Variants in LAS1L observed in about 807,000 individuals in gnomAD.
LAS1L encodes ribosomal biogenesis protein LAS1L.
LAS1L carries 5 observed loss-of-function variants against 57.3 expected under a neutral mutation model. The observed-to-expected ratio is 0.09, with a 90% CI of 0.05 to 0.18. LAS1L has a LOEUF of 0.18. Among genes scored for constraint, LAS1L ranks in the 10% least tolerant of loss-of-function variants. The pLI is 1.00. For missense variants in LAS1L, 360 were observed against 568.3 expected (o/e 0.63, Z 3.73); for synonymous variants, 245 against 231.7 (o/e 1.06, Z -0.52).
chrX:65,528,398 G>T (rs933944309), intron 6 of LAS1L, 29 bp from the exon 7 acceptor site: 1 of 975,706 alleles, frequency 1.0e-6, no homozygotes, highest in Non-Finnish European at 1.4e-6. Context: ...CCATCAGAAG[G>T]CTGGTTCAGC....
intron 13 of LAS1L, 76 bp downstream of exon 13, chrX:65,514,747 A>C (rs1477103274): frequency 9.8e-7 from 1 of 1,017,124 alleles, no homozygotes; most frequent in African/African-American, 2.0e-5. Flanking sequence ...TCCCCCACCC[A>C]CCTCACCTTG....
In LAS1L at chrX:65,534,682, C is replaced by A; in HGVS notation, c.34G>T (p.Gly12Cys). The A allele has an allele frequency of 1.7e-6, 2 of 1,181,608 alleles. No individual in the cohort carries two copies. Among genetic ancestry groups the A allele is most frequent in the Non-Finnish European group, 2.3e-6 (2 of 880,386 alleles). The part of the protein sequence containing the change: ...SWESGAGPGL[G>C]SQGMDLVWSA... ...CACACGAGATCCATCCCCTGGGAAC[C>A]TAGACCTGGCCCGGCCCCGGATTCC... Residue 12 changes from glycine (G) to cysteine (C), a missense_variant, in exon 1 of 14, where the codon GGT (glycine) becomes TGT (cysteine). Physicochemically the swap from Gly to Cys is radical, Grantham distance 159. Coordinates refer to ENST00000374811, the MANE Select transcript of LAS1L (RefSeq NM_031206.7).
chrX:65,527,979 C>T (rs1397508880), intron 7 of LAS1L, among the ~76,000 whole-genome samples: 1 of 112,095 alleles, frequency 8.9e-6, no homozygotes, highest in African/African-American at 3.2e-5. Context: ...TCAAGAGCTC[C>T]ACATGCCACC....
chrX:65,525,074 A>G, intron 7 of LAS1L, 24 bp from the exon 8 acceptor site: 2 of 1,147,641 alleles, frequency 1.7e-6, no homozygotes, highest in Non-Finnish European at 2.4e-6. Context: ...ACACTAGTTT[A>G]GCAAAGTGAT....
chrX:65,517,244 TTC>T (rs1451232667), intron 12 of LAS1L, among the ~76,000 whole-genome samples: 1 of 89,909 alleles, frequency 1.1e-5, no homozygotes, highest in Non-Finnish European at 1.9e-5. Flanking sequence ...CTTTCTTTCT[TTC>T]TTTCTTTTTT....
chrX:65,519,009 A>G, intron 11 of LAS1L: 1 of 735,860 alleles, frequency 1.4e-6, no homozygotes, highest in Non-Finnish European at 1.6e-6. Flanking sequence ...ATGGAGGAAA[A>G]GAAAAAAAAA....
rs771216409 is a variant in LAS1L at position 65,534,640 on chromosome X, T to C, written c.76A>G (p.Lys26Glu). Residue 26 changes from lysine to glutamate, a missense_variant, in exon 1 of 14, where the codon AAG (lysine) becomes GAG (glutamate). Physicochemically the swap from Lys to Glu is moderately conservative, Grantham distance 56. Transcript: ENST00000374811. ...AACGACCCTTTCCCTTTAACGCACTTTCCGTACCACGCACTCCACACGAGA... is the reference window on the plus strand; with the variant it reads ...AACGACCCTTTCCCTTTAACGCACTCTCCGTACCACGCACTCCACACGAGA... ...MDLVWSAWYG[K>E]CVKGKGSLPL... 1.3e-5 allele frequency: 16 copies of C among 1,192,974 alleles called. 1 individual carries two copies. The South Asian group carries it at 2.4e-4, about 18-fold the overall frequency.
At chrX:65,513,076 C>T (rs1160282240) in intron 13 of LAS1L, among the ~76,000 whole-genome samples, 175 bp from the exon 14 acceptor site, 1 of 112,053 alleles carries the variant, frequency 8.9e-6, no homozygotes, top group Non-Finnish European at 1.9e-5. Flanking sequence ...GTTGACTTGG[C>T]CCTCTCCTCA....
chrX:65,520,720 C>T (rs2068815080), intron 11 of LAS1L: 1 of 752,284 alleles, frequency 1.3e-6, no homozygotes, highest in African/African-American at 2.3e-5. Flanking sequence ...GCCGCTGTTA[C>T]TGCCGGCATG....
chrX:65,518,963 G>A, intron 11 of LAS1L: 1 of 753,486 alleles, frequency 1.3e-6, no homozygotes, highest in Admixed American at 8.6e-5. Flanking sequence ...CACAAACTGT[G>A]ATCCCTTTAT....
Position 65,523,790 on chromosome X carries a change from C to G in LAS1L, c.1301-83G>C, listed in dbSNP as rs1602611088. Reference sequence around the variant, plus strand: ...TCACCTCAGAAAGTTTGGCTCTGTCCCTCCCCATCCCCCCAGACTCCCCAC... The same window carrying G: ...TCACCTCAGAAAGTTTGGCTCTGTCGCTCCCCATCCCCCCAGACTCCCCAC... On this transcript the variant is annotated intron_variant, in intron 10 of 13. Coordinates refer to ENST00000374811, the MANE Select transcript of LAS1L (RefSeq NM_031206.7). The G allele has an allele frequency of 8.8e-6, 9 of 1,016,952 alleles. No individual in the cohort carries two copies. In the East Asian group the frequency reaches 3.0e-4, roughly 34 times the overall value. 83.8% of individuals were successfully genotyped at this position (1,016,952 alleles called of 1,213,427 possible).
At position 65,512,919 on chromosome X, in the gene LAS1L, G is replaced by C; in HGVS notation, c.2079-18C>G. 7 of 1,158,908 alleles carry C rather than the reference G, an allele frequency of 6.0e-6. No individual in the cohort carries two copies. The highest frequency in any genetic ancestry group is 8.1e-6 in the Non-Finnish European group (7 of 866,913). On this transcript the variant is annotated intron_variant, in intron 13 of 13. Coordinates refer to ENST00000374811, the MANE Select transcript of LAS1L (RefSeq NM_031206.7). Reference sequence around the variant, plus strand: ...CCAAGGTGCTGAGGAGAGAGTGGGAGGTCAGTCAGGGAAGGAGGCAGCTTT... The same window carrying C: ...CCAAGGTGCTGAGGAGAGAGTGGGACGTCAGTCAGGGAAGGAGGCAGCTTT...
intron 7 of LAS1L, among the ~76,000 whole-genome samples, chrX:65,527,126 T>C (rs1305164750): frequency 2.1e-5 from 2 of 94,551 alleles, no homozygotes; most frequent in Non-Finnish European, 4.1e-5. Context: ...GGCAGGAGAA[T>C]CCCTTGAACT....
At chrX:65,527,885 A>G (rs761361646) in intron 7 of LAS1L, among the ~76,000 whole-genome samples, 1 of 112,078 alleles carries the variant, frequency 8.9e-6, no homozygotes. Context: ...AGCAGTGCCC[A>G]CCATACATAT....
chrX:65,518,598 G>A, intron 11 of LAS1L, 133 bp from the exon 12 acceptor site: 4 of 984,624 alleles, frequency 4.1e-6, no homozygotes, highest in Non-Finnish European at 5.3e-6. Context: ...AGAGCAGACA[G>A]AACATAGAAA....
chrX:65,526,764 G>C (rs992258293), intron 7 of LAS1L, among the ~76,000 whole-genome samples: 3 of 111,605 alleles, frequency 2.7e-5, no homozygotes, highest in African/African-American at 9.8e-5. Flanking sequence ...GCTCTGGACT[G>C]AGCTGAGCAC....
At chrX:65,513,189 G>A (rs1009426776) in intron 13 of LAS1L, among the ~76,000 whole-genome samples, 2 of 112,250 alleles carry the variant, frequency 1.8e-5, no homozygotes, top group African/African-American at 6.5e-5. Flanking sequence ...GGTTGAGGTA[G>A]GGGAGGGGGC....
At chrX:65,513,307 T>G (rs1338197919) in intron 13 of LAS1L, among the ~76,000 whole-genome samples, 1 of 111,835 alleles carries the variant, frequency 8.9e-6, no homozygotes, top group Non-Finnish European at 1.9e-5. Flanking sequence ...CAACACCTGG[T>G]TAAGGGGCCC....
At chrX:65,524,383 C>T (rs887612234) in intron 9 of LAS1L, 121 bp from the exon 10 acceptor site, 38 of 577,097 alleles carry the variant, frequency 6.6e-5, no homozygotes, top group Middle Eastern at 4.2e-4. Flanking sequence ...AGAATGTGTG[C>T]GCGCGCATGA....
Sources: gnomAD v4.1 joint callset for allele counts (sites outside exome capture counted in the v4.1 genomes callset) on GRCh38, gnomAD v4.1.1 for gene constraint, MANE v1.5 for transcripts, NCBI Gene and HGNC (gene_info 2026-07-23, HGNC 2026-07-21) for gene names.